Variants in OPA3 observed in about 807,000 individuals in gnomAD.
The protein encoded by OPA3 is outer mitochondrial membrane lipid metabolism regulator OPA3.
A neutral mutation model predicts 4.0 loss-of-function variants in OPA3; 6 were observed. That is an observed-to-expected ratio of 1.51 (90% CI 0.83 to 2.99). OPA3 has a LOEUF of 2.99. OPA3 is among the 30% of genes most tolerant of loss of function. The pLI is 0.00. For missense variants in OPA3, 235 were observed against 256.2 expected, an observed-to-expected ratio of 0.92 and a Z score of 0.56; for synonymous variants, 105 against 117.1, an observed-to-expected ratio of 0.90 and a Z score of 0.67.
chr19:45,569,116 T>C (rs1469529001), intron 1 of OPA3, among the ~76,000 whole-genome samples: 2 of 152,100 alleles, frequency 1.3e-5, no homozygotes, highest in Non-Finnish European at 2.9e-5. Flanking sequence ...CAACTCAACT[T>C]GGTATAGAGG....
chr19:45,561,107 G>A (rs1193257074), intron 1 of OPA3, among the ~76,000 whole-genome samples: 1 of 152,172 alleles, frequency 6.6e-6, no homozygotes, highest in Non-Finnish European at 1.5e-5. Context: ...GCCGAGGTGG[G>A]TGGATCACCT....
intron 1 of OPA3, among the ~76,000 whole-genome samples, chr19:45,564,337 G>A (rs1310351721): frequency 6.6e-6 from 1 of 152,088 alleles, no homozygotes; most frequent in Non-Finnish European, 1.5e-5. Flanking sequence ...GGGGGAAAGG[G>A]CGGTGACAAG....
Position 45,546,622 on chromosome 19 carries a change from A to G in OPA3, c.*6892T>C, listed in dbSNP as rs984769166. ...GCGATCCTCCTGCCTCAGCCCCCCA[A>G]GTAGCTGGGACTACAGGTGTGTGCC... On this transcript the variant is annotated 3_prime_UTR_variant, in exon 2 of 2. Transcript: ENST00000263275. The G allele has an allele frequency of 7.0e-4, 110 of 156,422 alleles. No individual in the cohort carries two copies. The highest frequency in any genetic ancestry group is 3.6e-4 in the Non-Finnish European group (26 of 72,042). The allele number at this position is 156,422 out of a possible 1,614,324, so 9.7% of individuals were successfully genotyped here. A position where few individuals can be genotyped will look rare whatever the true frequency, so the allele number is the denominator to read the frequency against.
intron 1 of OPA3, among the ~76,000 whole-genome samples, chr19:45,557,972 T>G (rs1336367158): frequency 6.6e-6 from 1 of 152,140 alleles, no homozygotes; most frequent in African/African-American, 2.4e-5. Flanking sequence ...CCTTCCCACC[T>G]GCCGGCCCCA....
At chr19:45,560,148 C>T (rs949433841) in intron 1 of OPA3, among the ~76,000 whole-genome samples, 4 of 152,046 alleles carry the variant, frequency 2.6e-5, no homozygotes, top group Non-Finnish European at 4.4e-5. Flanking sequence ...AATCGTTTTC[C>T]GTCTCCTCCC....
chr19:45,582,320 C>T (rs1201506397), intron 1 of OPA3, among the ~76,000 whole-genome samples: 2 of 151,882 alleles, frequency 1.3e-5, no homozygotes, highest in African/African-American at 2.4e-5. Context: ...CCACCAAGCC[C>T]GCCTAACTTT....
At chr19:45,536,266 G>A (rs374914439) in intron 1 of OPA3, among the ~76,000 whole-genome samples, 38 of 150,762 alleles carry the variant, frequency 2.5e-4, no homozygotes, top group African/African-American at 7.5e-4. Flanking sequence ...AATGTGGGCC[G>A]GGCACGGTGG....
chr19:45,576,399 G>C (rs1969767729), intron 1 of OPA3, among the ~76,000 whole-genome samples: 1 of 151,440 alleles, frequency 6.6e-6, no homozygotes, highest in Non-Finnish European at 1.5e-5. Flanking sequence ...AGGTGTGGTG[G>C]TGGGTGCCAG....
At chr19:45,576,010 G>T (rs1227771507) in intron 1 of OPA3, among the ~76,000 whole-genome samples, 1 of 152,166 alleles carries the variant, frequency 6.6e-6, no homozygotes, top group Non-Finnish European at 1.5e-5. Context: ...AAGGCGGGTG[G>T]ATCACCTGAG....
chr19:45,544,491 C>A (rs571689272), downstream of OPA3, among the ~76,000 whole-genome samples: 1 of 150,762 alleles, frequency 6.6e-6, no homozygotes, highest in Non-Finnish European at 1.5e-5. Flanking sequence ...GAAACCCCGT[C>A]TCTACTAAAA....
chr19:45,537,537 A>T (rs1969135764), intron 1 of OPA3, among the ~76,000 whole-genome samples: 1 of 152,104 alleles, frequency 6.6e-6, no homozygotes. Flanking sequence ...CAAATTTAGG[A>T]CATACAGATA....
chr19:45,549,868 C>T lies in OPA3; in HGVS notation c.*3646G>A. 1.0e-6 allele frequency: 1 copy of T among 985,354 alleles called. No homozygotes were observed. Among genetic ancestry groups the T allele is most frequent in the Non-Finnish European group, 1.2e-6 (1 of 830,056 alleles). The allele number at this position is 985,354 out of a possible 1,614,324, so 61.0% of individuals were successfully genotyped here. On this transcript the variant is annotated 3_prime_UTR_variant, in exon 2 of 2. Coordinates refer to ENST00000263275, the MANE Select transcript of OPA3 (RefSeq NM_025136.4). ...CCCTCTTCCAGAAGGAACTGAAATG[C>T]TGTTTCAGGCCAGGCGCGGTGGCTC...
At chr19:45,530,702 G>C (rs551053437) in intron 1 of OPA3, among the ~76,000 whole-genome samples, 1 of 151,244 alleles carries the variant, frequency 6.6e-6, no homozygotes, top group Non-Finnish European at 1.5e-5. Context: ...CAAGTGATCC[G>C]CCTGCTTCAG....
chr19:45,572,799 ATCATAC>A (rs200448081), intron 1 of OPA3, among the ~76,000 whole-genome samples: 12,130 of 136,176 alleles, frequency 0.089, 823 homozygotes, highest in East Asian at 0.21. Flanking sequence ...AGATATATAT[ATCATAC>A]TATATATATA....
rs1969331395 is a variant in OPA3, at chr19:45,551,394, T to C, written c.*2120A>G. 6.6e-6 allele frequency: 1 copy of C among 152,300 alleles called. No homozygotes were observed. Among genetic ancestry groups the C allele is most frequent in the African/African-American group, 2.4e-5 (1 of 41,458 alleles). 9.4% of individuals were successfully genotyped at this position (152,300 alleles called of 1,614,324 possible). ...GACAGTTTATTTGGAAAAAGTGTTT[T>C]TTCAGATGTAATTAAGGGTCTTGAG... On this transcript the variant is annotated 3_prime_UTR_variant, in exon 2 of 2. Transcript: ENST00000263275.
chr19:45,533,661 C>T (rs904252741), intron 1 of OPA3, among the ~76,000 whole-genome samples: 4 of 152,160 alleles, frequency 2.6e-5, no homozygotes, highest in African/African-American at 9.7e-5. Context: ...CAGGCCAGGC[C>T]AGGCCAAGCT....
downstream of OPA3, among the ~76,000 whole-genome samples, chr19:45,543,299 C>A (rs192535546): frequency 8.9e-4 from 133 of 150,198 alleles, no homozygotes; most frequent in South Asian, 5.7e-3. Context: ...GCATGAGCCA[C>A]CACAACTGGC....
chr19:45,541,740 C>T (rs1175016388), downstream of OPA3, among the ~76,000 whole-genome samples: 1 of 151,934 alleles, frequency 6.6e-6, no homozygotes, highest in Non-Finnish European at 1.5e-5. Context: ...CATTTTAAAA[C>T]ATTTTATAGA....
intron 1 of OPA3, among the ~76,000 whole-genome samples, chr19:45,533,848 A>G (rs2122378665): frequency 6.6e-6 from 1 of 152,350 alleles, no homozygotes. Flanking sequence ...CCCCGAAAGA[A>G]GGCACCATAG....
Sources: allele counts gnomAD v4.1 joint callset (sites outside exome capture counted in the v4.1 genomes callset), GRCh38; gene constraint gnomAD v4.1.1; transcripts MANE v1.5; gene names NCBI Gene and HGNC (gene_info 2026-07-23, HGNC 2026-07-21).